Variants in MYO16 observed in about 807,000 individuals in gnomAD.
MYO16 encodes the protein unconventional myosin-XVI.
In MYO16, 94 loss-of-function variants were observed where a neutral mutation model predicts 205.3. The ratio of observed to expected loss-of-function variants is 0.46; its 90% CI spans 0.39 to 0.54. The LOEUF (loss-of-function observed/expected upper bound fraction) is 0.54, where lower values mean the gene tolerates loss of function less well. Among genes scored for constraint, MYO16 ranks in the 20% least tolerant of loss-of-function variants. MYO16 has a pLI of 0.00. For missense variants in MYO16, 2,315 were observed against 2,387.5 expected (o/e 0.97, Z 0.63); for synonymous variants, 988 against 954.0 (o/e 1.04, Z -0.66).
At chr13:108,787,566 C>T (rs1369012593) in intron 5 of MYO16, among the ~76,000 whole-genome samples, 1 of 152,166 alleles carries the variant, frequency 6.6e-6, no homozygotes, top group African/African-American at 2.4e-5. Context: ...ATTGCAAGAT[C>T]AGTGTTTTAT....
intron 1 of MYO16, among the ~76,000 whole-genome samples, chr13:108,606,849 G>A (rs1221221431): frequency 1.3e-5 from 2 of 152,172 alleles, no homozygotes; most frequent in Non-Finnish European, 2.9e-5. Context: ...GAGTGGAAGG[G>A]GTGAAGGGAG....
At chr13:109,006,740 G>A (rs12865936) in intron 21 of MYO16, among the ~76,000 whole-genome samples, 9,568 of 152,058 alleles carry the variant, frequency 0.063, 382 homozygotes, top group Non-Finnish European at 0.092. Context: ...ATTTCTAACC[G>A]GCTTTAAGTT....
chr13:108,663,694 A>T (rs1881602176), intron 1 of MYO16, among the ~76,000 whole-genome samples: 1 of 152,202 alleles, frequency 6.6e-6, no homozygotes, highest in Admixed American at 6.5e-5. Context: ...TTAAAAGTTA[A>T]TTGAAAATTT....
the MYO16 span, among the ~76,000 whole-genome samples, chr13:108,544,993 CT>C: frequency 3.9e-3 from 586 of 149,676 alleles, 3 homozygotes; most frequent in African/African-American, 0.013. Context: ...ATTTTCTTTT[CT>C]TTTTTTTTTA....
chr13:108,553,937 C>T, the MYO16 span, among the ~76,000 whole-genome samples: 3 of 152,184 alleles, frequency 2.0e-5, no homozygotes, highest in African/African-American at 7.2e-5. Flanking sequence ...TGTGCCTGTT[C>T]TGTAGCCTGT....
chr13:108,802,661 C>T (rs1243052924), intron 6 of MYO16, among the ~76,000 whole-genome samples: 1 of 152,122 alleles, frequency 6.6e-6, no homozygotes, highest in Non-Finnish European at 1.5e-5. Flanking sequence ...TACCATTTTC[C>T]ATAATGGCTG....
At chr13:108,711,884 T>C (rs1350869476) in intron 2 of MYO16, among the ~76,000 whole-genome samples, 1 of 152,230 alleles carries the variant, frequency 6.6e-6, no homozygotes, top group Admixed American at 6.5e-5. Flanking sequence ...CATGGTATTT[T>C]ATTAAAAGTA....
rs1883754724 is a variant in MYO16, at chr13:108,712,346, AT to A, written c.293-311del. Among the ~76,000 whole-genome samples, 4 of 152,326 alleles carry A rather than the reference AT, an allele frequency of 2.6e-5. No individual in the cohort carries two copies. In the South Asian group the frequency reaches 8.3e-4, roughly 32 times the overall value. Reference sequence around the variant, plus strand: ...TGAACCTAGTGAAGTAATTTCTATCATTTTGCTTTTCTGTTCTACAATGGAT... The same window carrying A: ...TGAACCTAGTGAAGTAATTTCTATCATTTGCTTTTCTGTTCTACAATGGAT... On this transcript the variant is annotated intron_variant, in intron 2 of 34. Transcript: ENST00000457511.
chr13:108,708,309 T>A (rs1883592320), intron 2 of MYO16, among the ~76,000 whole-genome samples: 1 of 152,198 alleles, frequency 6.6e-6, no homozygotes. Flanking sequence ...TTCAAAGGCT[T>A]TCTCAAAGGA....
At chr13:108,530,392 T>C in the MYO16 span, among the ~76,000 whole-genome samples, 1 of 152,248 alleles carries the variant, frequency 6.6e-6, no homozygotes, top group South Asian at 2.1e-4. Flanking sequence ...ATGTTTGGTG[T>C]GACAGGATAA....
At chr13:108,938,884 T>C (rs567316753) in intron 16 of MYO16, among the ~76,000 whole-genome samples, 2 of 152,310 alleles carry the variant, frequency 1.3e-5, no homozygotes, top group South Asian at 4.1e-4. Context: ...AGTAGGCTGG[T>C]GAACCCATCA....
At chr13:108,568,603 T>C in the MYO16 span, among the ~76,000 whole-genome samples, 4 of 152,136 alleles carry the variant, frequency 2.6e-5, no homozygotes, top group Non-Finnish European at 5.9e-5. Context: ...AAGAAATGCT[T>C]TGAAAATATT....
At chr13:108,703,645 T>A (rs1360621862) in intron 2 of MYO16, among the ~76,000 whole-genome samples, 1 of 152,082 alleles carries the variant, frequency 6.6e-6, no homozygotes, top group Non-Finnish European at 1.5e-5. Flanking sequence ...ACAGACCACA[T>A]GCAAAGCCAT....
chr13:109,048,301 AG>A (rs1887117274), intron 24 of MYO16: 1 of 732,224 alleles, frequency 1.4e-6, no homozygotes, highest in Non-Finnish European at 2.5e-6. Flanking sequence ...AAAAAGTTCC[AG>A]GAAAAAACAA....
chr13:109,069,230 GAT>G (rs1887850870), intron 27 of MYO16, among the ~76,000 whole-genome samples: 1 of 152,140 alleles, frequency 6.6e-6, no homozygotes, highest in Non-Finnish European at 1.5e-5. Context: ...AAAGTCCAGA[GAT>G]ATTCAGTTCC....
intron 22 of MYO16, among the ~76,000 whole-genome samples, chr13:109,016,741 G>T (rs891921059): frequency 2.6e-5 from 4 of 151,590 alleles, no homozygotes; most frequent in Non-Finnish European, 4.4e-5. Flanking sequence ...TTTCATCTTT[G>T]TTGGTTTAAA....
chr13:109,055,106 A>G lies in MYO16; in HGVS notation c.3109A>G (p.Thr1037Ala). ...LQRLERGDPV[T>A]IASQLRKSLM... ...AAGATTGGAACGAGGAGATCCAGTC[A>G]CCATAGCATCACAACTCAGGGTTAG... Residue 1037 changes from threonine (T) to alanine (A), a missense_variant, in exon 26 of 35, where the codon ACC becomes GCC. Transcript: ENST00000457511. This position sits in a 1 kb window ranked among gnomAD's most constrained non-coding sequence, Gnocchi z 5.0. 1 of 1,586,786 alleles carries G rather than the reference A, an allele frequency of 6.3e-7. No individual in the cohort carries two copies. The highest frequency in any genetic ancestry group is 8.5e-7 in the Non-Finnish European group (1 of 1,170,054).
intron 4 of MYO16, among the ~76,000 whole-genome samples, chr13:108,764,996 C>A (rs1009612499): frequency 1.3e-5 from 2 of 152,062 alleles, no homozygotes; most frequent in African/African-American, 4.8e-5. Context: ...TGAAAAATAC[C>A]TAAACATGTA....
chr13:108,763,601 T>C (rs1885681631), intron 4 of MYO16, among the ~76,000 whole-genome samples: 2 of 152,162 alleles, frequency 1.3e-5, no homozygotes, highest in Non-Finnish European at 2.9e-5. Context: ...AGTTTAAGAA[T>C]GACTTCCAGA....
Sources: gnomAD v4.1 joint callset for allele counts (sites outside exome capture counted in the v4.1 genomes callset) on GRCh38, gnomAD v4.1.1 for gene constraint, Gnocchi (gnomAD v3.1) non-coding constraint, MANE v1.5 for transcripts, NCBI Gene and HGNC (gene_info 2026-07-23, HGNC 2026-07-21) for gene names.